The following METTL21A variants were observed in gnomAD, a reference collection of about 807,000 sequenced individuals.
The protein encoded by METTL21A is methyltransferase 21A, HSPA lysine, also known as protein N-lysine methyltransferase METTL21A.
In METTL21A, 22 loss-of-function variants were observed where a neutral mutation model predicts 20.9. The ratio of observed to expected loss-of-function variants is 1.05; its 90% CI spans 0.75 to 1.50. METTL21A has a LOEUF of 1.50. Among genes scored for constraint, METTL21A ranks in the 40% most tolerant of loss-of-function variants. METTL21A has a pLI of 0.00. For synonymous variants in METTL21A, 93 were observed against 102.0 expected, an observed-to-expected ratio of 0.91 and a Z score of 0.53; for missense variants, 271 against 266.8, an observed-to-expected ratio of 1.02 and a Z score of -0.11.
chr2:207,582,195 T>G, intron 3 of METTL21A: 1 of 702,894 alleles, frequency 1.4e-6, no homozygotes, highest in Admixed American at 2.0e-5. Flanking sequence ...TTTGTGGTCA[T>G]ATGTTAAAAC....
At chr2:207,622,773 C>A (rs990394832) in intron 2 of METTL21A, among the ~76,000 whole-genome samples, 4 of 152,116 alleles carry the variant, frequency 2.6e-5, no homozygotes, top group African/African-American at 7.2e-5. Flanking sequence ...TGTTTATGAC[C>A]CTACAGAAAG....
intron 3 of METTL21A, chr2:207,602,891 C>CA (rs1353230572): frequency 4.6e-6 from 1 of 217,458 alleles, no homozygotes; most frequent in Non-Finnish European, 9.2e-6. Context: ...GTAACTCCCC[C>CA]ACTCCCTGCA....
intron 3 of METTL21A, among the ~76,000 whole-genome samples, chr2:207,593,750 C>T (rs72958127): frequency 0.015 from 1,870 of 122,266 alleles, 18 homozygotes; most frequent in Non-Finnish European, 0.023. Flanking sequence ...GAGACGGAAA[C>T]ACCTATCACC....
intron 3 of METTL21A, among the ~76,000 whole-genome samples, chr2:207,584,882 A>T (rs555702922): frequency 3.5e-4 from 54 of 152,154 alleles, no homozygotes; most frequent in African/African-American, 1.3e-3. Flanking sequence ...TTTTCTTAAC[A>T]TTATCTATCT....
At chr2:207,590,518 GTTTCT>G (rs1275193602) in intron 3 of METTL21A, among the ~76,000 whole-genome samples, 2 of 151,130 alleles carry the variant, frequency 1.3e-5, no homozygotes, top group Non-Finnish European at 2.9e-5. Context: ...TCTCTTTCTA[GTTTCT>G]TTTTTCATTA....
chr2:207,598,482 C>A, intron 3 of METTL21A: 2 of 76,218 alleles, frequency 2.6e-5, no homozygotes, highest in Non-Finnish European at 4.6e-5. Context: ...CTAACAGTTA[C>A]TCTTAAAAAA....
rs1559111612 is a variant in METTL21A at position 207,613,057 on chromosome 2, C to A, written c.646G>T (p.Glu216Ter). 53 of 1,558,474 alleles carry A rather than the reference C, an allele frequency of 3.4e-5. No individual in the cohort carries two copies. Among genetic ancestry groups the A allele is most frequent in the Non-Finnish European group, 4.5e-5 (52 of 1,155,038 alleles). The stretch of plus-strand genomic sequence containing the variant: ...TAAATTATAGCCAATTATAAGTCCT[C>A]CTTCTGGTTTCTCTTCTGTGCTTCG... The change falls in exon 4 of 4, where the codon GAG becomes TAG. Residue 216 changes from glutamate (E) to a stop codon, truncating the protein, a stop_gained. Coordinates refer to ENST00000406927, the Ensembl canonical transcript of METTL21A. LOFTEE classifies it high-confidence loss of function.
chr2:207,580,985 G>A (rs2082891327), downstream of METTL21A: 1 of 218,158 alleles, frequency 4.6e-6, no homozygotes, highest in Non-Finnish European at 9.2e-6. Flanking sequence ...CAGTGGAGTG[G>A]GAATGAACTC....
chr2:207,618,692 A>C (rs1006278777), intron 3 of METTL21A, among the ~76,000 whole-genome samples: 1 of 152,268 alleles, frequency 6.6e-6, no homozygotes, highest in South Asian at 2.1e-4. Context: ...TGGGTGACAG[A>C]GTGAGACTCC....
At position 207,581,811 on chromosome 2, in the gene METTL21A, C is replaced by G. The variant is rs560750740; in HGVS notation, c.*336G>C. The G allele has an allele frequency of 4.3e-4, 301 of 700,122 alleles. 2 individuals carry two copies. The highest frequency in any genetic ancestry group is 4.0e-3 in the South Asian group (267 of 66,902). 43.4% of individuals were successfully genotyped at this position (700,122 alleles called of 1,614,324 possible). ...TTACTTACATAATCCAGTTTGGGTA[C>G]CATATCGCATTTAATTATAGTCTCC... On this transcript the variant is annotated 3_prime_UTR_variant, in exon 4 of 4. Coordinates refer to the METTL21A transcript ENST00000425132.
intron 3 of METTL21A, among the ~76,000 whole-genome samples, chr2:207,593,577 T>C (rs2085497948): frequency 6.6e-6 from 1 of 152,098 alleles, no homozygotes; most frequent in Non-Finnish European, 1.5e-5. Flanking sequence ...AATTGATAGT[T>C]ACATGAGGAT....
chr2:207,612,773 G>A (rs757613282), exon 4 of METTL21A: 2 of 288,612 alleles, frequency 6.9e-6, no homozygotes, highest in Non-Finnish European at 1.3e-5. Flanking sequence ...TATTAAAAGG[G>A]AGGAGTATGG....
intron 3 of METTL21A, among the ~76,000 whole-genome samples, chr2:207,616,826 G>A (rs932749421): frequency 2.0e-5 from 3 of 152,164 alleles, no homozygotes; most frequent in Admixed American, 6.5e-5. Flanking sequence ...TGGGCGACAA[G>A]AGCGAAACTC....
intron 2 of METTL21A, among the ~76,000 whole-genome samples, chr2:207,622,645 G>T (rs1265466582): frequency 6.6e-6 from 1 of 152,212 alleles, no homozygotes; most frequent in Non-Finnish European, 1.5e-5. Flanking sequence ...TTGCCCAAGG[G>T]TCTCTGAACT....
intron 3 of METTL21A, among the ~76,000 whole-genome samples, chr2:207,618,120 C>T (rs1458290955): frequency 6.6e-6 from 1 of 152,186 alleles, no homozygotes; most frequent in Non-Finnish European, 1.5e-5. Flanking sequence ...TCTTCCTCAG[C>T]ATTATATTTC....
chr2:207,613,598 G>A (rs1367145819), intron 3 of METTL21A, among the ~76,000 whole-genome samples, 155 bp from the exon 4 acceptor site: 3 of 152,204 alleles, frequency 2.0e-5, no homozygotes, highest in African/African-American at 7.2e-5. Flanking sequence ...ATAGAAAAAT[G>A]ACTCACAGCT....
chr2:207,599,680 C>G (rs539862568), intron 3 of METTL21A: 4 of 197,604 alleles, frequency 2.0e-5, no homozygotes, highest in Non-Finnish European at 4.2e-5. Context: ...AATCAAGCAT[C>G]TTTTGTGCAG....
At chr2:207,598,011 C>G (rs2086450719) in intron 3 of METTL21A, 1 of 181,938 alleles carries the variant, frequency 5.5e-6, no homozygotes. Context: ...TACTGTTGCC[C>G]ATTGCACTTA....
At chr2:207,600,101 A>G (rs1310575880) in intron 3 of METTL21A, 2 of 186,660 alleles carry the variant, frequency 1.1e-5, no homozygotes, top group African/African-American at 4.7e-5. Context: ...TCATTATTAA[A>G]TAATTGCTAT....
Sources: gnomAD v4.1 joint callset for allele counts (sites outside exome capture counted in the v4.1 genomes callset) on GRCh38, gnomAD v4.1.1 for gene constraint, MANE v1.5 for transcripts, NCBI Gene and HGNC (gene_info 2026-07-23, HGNC 2026-07-21) for gene names.